The following CHD1L variants were observed in gnomAD, a reference collection of about 807,000 sequenced individuals.
CHD1L encodes the protein chromodomain helicase DNA binding protein 1 like, also known as ATP-dependent chromatin remodeler CHD1L.
In CHD1L, 118 loss-of-function variants were observed where a neutral mutation model predicts 115.9. That is an observed-to-expected ratio of 1.02 (90% CI 0.88 to 1.19). CHD1L has a LOEUF of 1.19. Among genes scored for constraint, CHD1L ranks in the 50% most tolerant of loss-of-function variants. CHD1L has a pLI of 0.00. For missense variants in CHD1L, 1,179 were observed against 1,065.3 expected, an observed-to-expected ratio of 1.11 and a Z score of -1.49; for synonymous variants, 411 against 387.1, an observed-to-expected ratio of 1.06 and a Z score of -0.72.
At chr1:147,197,496 T>C in the CHD1L span, among the ~76,000 whole-genome samples, 1 of 152,104 alleles carries the variant, frequency 6.6e-6, no homozygotes, top group African/African-American at 2.4e-5. Context: ...GGGAGGGGCC[T>C]GGTGGGAGGT....
Position 147,273,414 on chromosome 1 carries a change from A to G in CHD1L, c.1270+1133A>G, listed in dbSNP as rs117725413. ...TAAGGGTATATGAAAGAAGTGTTAG[A>G]TATAATTTTTGATTATAAGGAGATT... is the stretch of plus-strand genomic sequence containing the variant. On this transcript the variant is annotated intron_variant, in intron 12 of 22. Coordinates refer to ENST00000369258, the MANE Select transcript of CHD1L (RefSeq NM_004284.6). 2.2e-4 allele frequency among the ~76,000 whole-genome samples: 33 copies of G among 152,270 alleles called. No homozygotes were observed. The East Asian group carries it at 6.2e-3, about 28-fold the overall frequency.
the CHD1L span, among the ~76,000 whole-genome samples, chr1:147,181,972 G>A: frequency 2.6e-5 from 4 of 152,124 alleles, no homozygotes; most frequent in Non-Finnish European, 4.4e-5. Context: ...GTGGTGTTGC[G>A]GTTATTCATG....
the CHD1L span, among the ~76,000 whole-genome samples, chr1:147,218,439 T>C: frequency 3.3e-5 from 5 of 151,986 alleles, no homozygotes; most frequent in African/African-American, 7.3e-5. Context: ...GGTTTCACCA[T>C]GTTAGCCAGG....
At chr1:147,190,090 A>T in the CHD1L span, 2 of 842,234 alleles carry the variant, frequency 2.4e-6, no homozygotes, top group African/African-American at 1.7e-5. Flanking sequence ...TTAAGCTAAC[A>T]TGAGGCAGTT....
the CHD1L span, chr1:147,203,767 T>C: frequency 1.3e-6 from 2 of 1,535,618 alleles, no homozygotes; most frequent in Admixed American, 3.3e-5. Context: ...CTACTGCCCT[T>C]TCTATGTCAT....
chr1:147,295,165 G>C (rs1406339439), intron 22 of CHD1L, among the ~76,000 whole-genome samples: 1 of 152,152 alleles, frequency 6.6e-6, no homozygotes. Context: ...ACTCAGTGAT[G>C]GTCTTCAAGA....
intron 14 of CHD1L, among the ~76,000 whole-genome samples, chr1:147,279,612 C>G (rs1194448389): frequency 6.6e-6 from 1 of 152,114 alleles, no homozygotes; most frequent in Non-Finnish European, 1.5e-5. Context: ...TGTAGCCTTC[C>G]CTTTCTAAGG....
At chr1:147,204,951 CG>C in the CHD1L span, 3 of 1,469,764 alleles carry the variant, frequency 2.0e-6, no homozygotes, top group Non-Finnish European at 2.9e-6. Flanking sequence ...TGCAGGAAGC[CG>C]TTCACGTGAC....
At chr1:147,180,486 T>C in the CHD1L span, among the ~76,000 whole-genome samples, 2 of 152,138 alleles carry the variant, frequency 1.3e-5, no homozygotes, top group African/African-American at 4.8e-5. Flanking sequence ...AGAGATGGGG[T>C]TTCGCCATTC....
the CHD1L span, chr1:147,186,862 G>C: frequency 6.3e-7 from 1 of 1,577,872 alleles, no homozygotes; most frequent in South Asian, 1.2e-5. Flanking sequence ...CTGTAGATAA[G>C]CTTCCCAATG....
chr1:147,235,895 A>G, the CHD1L span, among the ~76,000 whole-genome samples: 93,466 of 152,108 alleles, frequency 0.61, 31,528 homozygotes, highest in African/African-American at 0.88. Flanking sequence ...GGCCATTGGT[A>G]CTTTTGCACA....
the CHD1L span, among the ~76,000 whole-genome samples, chr1:147,219,285 C>A: frequency 6.6e-6 from 1 of 152,060 alleles, no homozygotes; most frequent in Non-Finnish European, 1.5e-5. Flanking sequence ...TGTATAATCG[C>A]TCCCTGTTAG....
chr1:147,188,273 A>T, the CHD1L span, among the ~76,000 whole-genome samples: 1 of 152,128 alleles, frequency 6.6e-6, no homozygotes, highest in Non-Finnish European at 1.5e-5. Flanking sequence ...CTGTAATCCT[A>T]GCACTTTGGG....
the CHD1L span, among the ~76,000 whole-genome samples, chr1:147,202,432 G>A: frequency 6.8e-6 from 1 of 147,398 alleles, no homozygotes; most frequent in Admixed American, 7.0e-5. Flanking sequence ...TGATTCTGCT[G>A]TCTCAGCCTC....
chr1:147,259,603 T>G, intron 5 of CHD1L: 1 of 370,704 alleles, frequency 2.7e-6, no homozygotes, highest in Non-Finnish European at 4.9e-6. Flanking sequence ...TCTTCCTTTC[T>G]GCATAGGTCT....
Position 147,275,442 on chromosome 1 carries a change from C to A in CHD1L, c.1359C>A (p.Ala453=). The change falls in exon 13 of 23, where the codon GCC becomes GCA. Residue 453 remains alanine (A), a synonymous_variant. Coordinates refer to ENST00000369258, the MANE Select transcript of CHD1L (RefSeq NM_004284.6). ...CTCAGAATGACTTGCAAGCAGCTGC[C>A]AGGGCTCATCGCATTGGCCAAAACA... is the stretch of plus-strand genomic sequence containing the variant. The part of the protein sequence containing the change: ...FNPQNDLQAA[A]RAHRIGQNKS... The A allele has an allele frequency of 6.2e-7, 1 of 1,614,054 alleles. No homozygotes were observed. Among genetic ancestry groups the A allele is most frequent in the Admixed American group, 1.7e-5 (1 of 60,022 alleles).
the CHD1L span, among the ~76,000 whole-genome samples, chr1:147,202,224 T>G: frequency 0.086 from 13,100 of 151,632 alleles, 1,070 homozygotes; most frequent in East Asian, 0.42. Context: ...ATTGGGTTGG[T>G]GCAAAAGTAA....
the CHD1L span, chr1:147,203,796 A>C: frequency 1.9e-6 from 3 of 1,546,820 alleles, no homozygotes; most frequent in African/African-American, 4.1e-5. Flanking sequence ...TTGTCTGTAG[A>C]GCCCCGAAGT....
At chr1:147,271,352 A>T (rs1028383184) in intron 11 of CHD1L, among the ~76,000 whole-genome samples, 10 of 152,228 alleles carry the variant, frequency 6.6e-5, no homozygotes, top group African/African-American at 2.4e-4. Flanking sequence ...TCAACAGTTG[A>T]GCACTTACTC....
Sources: gnomAD v4.1 joint callset for allele counts (sites outside exome capture counted in the v4.1 genomes callset) on GRCh38, gnomAD v4.1.1 for gene constraint, MANE v1.5 for transcripts, NCBI Gene and HGNC (gene_info 2026-07-23, HGNC 2026-07-21) for gene names.